ZNF506: variants seen among roughly 807,000 people sequenced by gnomAD.
ZNF506 encodes the protein zinc finger protein 506.
In ZNF506, 10 loss-of-function variants were observed where a neutral mutation model predicts 11.6. That is an observed-to-expected ratio of 0.86 (90% confidence interval 0.53 to 1.46). ZNF506 has a LOEUF of 1.46. Ranked by LOEUF, ZNF506 falls within the 40% of genes most tolerant of loss-of-function variation. The probability of loss-of-function intolerance (pLI) is 0.00; values close to 1 mark genes in which losing one functional copy is unlikely to be tolerated. For synonymous variants in ZNF506, 156 were observed against 173.3 expected (o/e 0.90, Z 0.78); for missense variants, 425 against 521.2 (o/e 0.82, Z 1.80).
At chr19:19,800,098 T>A (rs1366531569) in intron 3 of ZNF506, among the ~76,000 whole-genome samples, 3 of 152,178 alleles carry the variant, frequency 2.0e-5, no homozygotes, top group South Asian at 2.1e-4. Flanking sequence ...TCAGTAGATA[T>A]AAAAATACTG....
At position 19,795,110 on chromosome 19, in the gene ZNF506, A is replaced by T. The variant is rs199831222; in HGVS notation, c.777T>A (p.Cys259Ter). 12 of 1,613,830 alleles carry T rather than the reference A, an allele frequency of 7.4e-6. No individual in the cohort carries two copies. The African/African-American group carries it at 9.3e-5, about 13-fold the overall frequency. Residue 259 changes from cysteine to a stop codon, truncating the protein, a stop_gained, in exon 4 of 4, where the codon TGT becomes TGA. Coordinates refer to ENST00000540806, the MANE Select transcript of ZNF506 (RefSeq NM_001099269.3). LOFTEE classifies it low-confidence loss of function (END_TRUNC). ...GGTTAAAAGCTTTGCCACATTCTCT[A>T]CATCTGTAGGGTTTCTCTCCAGTAT... ...IIHTGEKPYR[C>*]RECGKAFNHP... is the part of the protein sequence containing the mutation.
intron 1 of ZNF506, among the ~76,000 whole-genome samples, chr19:19,816,536 T>C (rs184848359): frequency 1.4e-3 from 220 of 152,222 alleles, no homozygotes; most frequent in African/African-American, 5.1e-3. Flanking sequence ...TTTTTTGTAT[T>C]TGTAGTAGAG....
Position 19,795,225 on chromosome 19 carries a change from T to C in ZNF506, c.662A>G (p.Lys221Arg). 6.2e-7 allele frequency: 1 copy of C among 1,613,866 alleles called. No individual in the cohort carries two copies. Among genetic ancestry groups the C allele is most frequent in the South Asian group, 1.1e-5 (1 of 91,076 alleles). The change falls in exon 4 of 4, where the codon AAA (lysine) becomes AGA (arginine). Residue 221 changes from lysine (K) to arginine (R), a missense_variant. Transcript: ENST00000540806. ...KQSSHLTTHK[K>R]IHTGEKPYKC... The stretch of plus-strand genomic sequence containing the variant: ...GTAGGGTTTCTCTCCAGTATGAATT[T>C]TCTTATGTGTAGTAAGGTGTGAGGA...
intron 3 of ZNF506, 21 bp from the exon 4 acceptor site, chr19:19,795,681 A>T (rs758184537): frequency 6.7e-7 from 1 of 1,482,892 alleles, no homozygotes; most frequent in Non-Finnish European, 8.9e-7. Context: ...CAATAAAAAC[A>T]CATGACTTCA....
intron 1 of ZNF506, among the ~76,000 whole-genome samples, chr19:19,807,568 G>A (rs1370156413): frequency 6.6e-6 from 1 of 152,002 alleles, no homozygotes; most frequent in African/African-American, 2.4e-5. Flanking sequence ...GTGCAATGGC[G>A]CCATCTTGGC....
At position 19,802,099 on chromosome 19, in the gene ZNF506, GGAGGCT is replaced by G. The variant is rs1398188337; in HGVS notation, c.226+3926_226+3931del. On this transcript the variant is annotated intron_variant, in intron 3 of 3. Coordinates refer to ENST00000540806, the MANE Select transcript of ZNF506 (RefSeq NM_001099269.3). ...ACATGCCTGTAATTGCAGCTACTTG[GGAGGCT>G]GAGGCATGAGAACTGCTTGAAGCCA... Among the ~76,000 whole-genome samples, 3 of 151,470 alleles carry G rather than the reference GGAGGCT, an allele frequency of 2.0e-5. No individual in the cohort carries two copies. The East Asian group carries it at 5.8e-4, about 29-fold the overall frequency.
At chr19:19,804,571 T>A (rs570219155) in intron 3 of ZNF506, among the ~76,000 whole-genome samples, 93 of 152,280 alleles carry the variant, frequency 6.1e-4, no homozygotes, top group African/African-American at 2.2e-3. Context: ...GATCCAGTGA[T>A]CCCATTACTG....
At chr19:19,795,703 C>A in intron 3 of ZNF506, 43 bp from the exon 4 acceptor site, 1 of 1,461,326 alleles carries the variant, frequency 6.8e-7, no homozygotes, top group Non-Finnish European at 9.1e-7. Context: ...TTGCTAGACT[C>A]AGATAAATAT....
At chr19:19,804,880 C>T (rs1370608163) in intron 3 of ZNF506, among the ~76,000 whole-genome samples, 1 of 151,380 alleles carries the variant, frequency 6.6e-6, no homozygotes. Flanking sequence ...GGGAATTGAA[C>T]AATGAGAACA....
intron 1 of ZNF506, among the ~76,000 whole-genome samples, chr19:19,807,803 C>A (rs11878325): frequency 1.3e-5 from 2 of 151,932 alleles, no homozygotes; most frequent in African/African-American, 4.8e-5. Context: ...CCACCGCGCC[C>A]GGTCAATTTT....
chr19:19,794,360 A>C lies in ZNF506; in HGVS notation c.*192T>G, dbSNP rs72620573. 98,916 of 554,492 alleles carry C rather than the reference A, an allele frequency of 0.18. 10,062 individuals carry two copies. Among genetic ancestry groups the C allele is most frequent in the East Asian group, 0.39 (12,157 of 31,172 alleles). The allele number at this position is 554,492 out of a possible 1,614,324, so 34.3% of individuals were successfully genotyped here. The stretch of plus-strand genomic sequence containing the variant: ...TGTTATAGGCTTTGCCATATTCTTC[A>C]CACTTGTAGGGTTTCTGTCCAGTAT... On this transcript the variant is annotated 3_prime_UTR_variant, in exon 4 of 4. Transcript: ENST00000540806.
chr19:19,794,800 G>A lies in ZNF506; in HGVS notation c.1087C>T (p.His363Tyr), dbSNP rs758961941. The A allele has an allele frequency of 1.2e-6, 2 of 1,614,012 alleles. No homozygotes were observed. Among genetic ancestry groups the A allele is most frequent in the Non-Finnish European group, 1.7e-6 (2 of 1,179,990 alleles). ...CACTTGTAGGGTTTCTCTCCAGTAT[G>A]AGCTCTCTTATGTTTAGAGAGGCTT... ...YSSLSKHKRA[H>Y]TGEKPYKCEE... Residue 363 changes from histidine (H) to tyrosine (Y), a missense_variant, in exon 4 of 4, where the codon CAT (histidine) becomes TAT (tyrosine). By Grantham distance (83) the His-to-Tyr change is moderately conservative. Around this residue, in one of 3 missense-constraint regions of ZNF506, gnomAD observed 192 missense variants for 215.7 expected, o/e 0.89. Transcript: ENST00000540806.
chr19:19,811,483 A>G (rs1399502681), intron 1 of ZNF506, among the ~76,000 whole-genome samples: 1 of 152,174 alleles, frequency 6.6e-6, no homozygotes, highest in Non-Finnish European at 1.5e-5. Context: ...ATTAGAAAAT[A>G]AATACGTACA....
intron 1 of ZNF506, among the ~76,000 whole-genome samples, chr19:19,808,902 C>A (rs1373645517): frequency 6.6e-6 from 1 of 150,764 alleles, no homozygotes; most frequent in Non-Finnish European, 1.5e-5. Context: ...ACAGATTACT[C>A]CTCTGTTCTG....
Position 19,814,179 on chromosome 19 carries a change from G to A in ZNF506, c.4-7111C>T, listed in dbSNP as rs140547302. ...ATCCCAGCACTGTGGGAGGCCAAGGGGGGTGGATCACATGAGGTGCGGAGT... is the reference window on the plus strand; with the variant it reads ...ATCCCAGCACTGTGGGAGGCCAAGGAGGGTGGATCACATGAGGTGCGGAGT... On this transcript the variant is annotated intron_variant, in intron 1 of 3. Transcript: ENST00000540806. 9.0e-3 allele frequency among the ~76,000 whole-genome samples: 1,373 copies of A among 151,806 alleles called. 20 individuals are homozygous for A. Among genetic ancestry groups the A allele is most frequent in the African/African-American group, 0.031 (1,280 of 41,386 alleles).
At chr19:19,797,436 G>GAAAAAAA (rs77600495) in intron 3 of ZNF506, 2 of 95,634 alleles carry the variant, frequency 2.1e-5, no homozygotes, top group Non-Finnish European at 4.8e-5. Context: ...TCCGTCTCAG[G>GAAAAAAA]AAAAAAAAAA....
At chr19:19,817,920 C>T (rs1340054827) in intron 1 of ZNF506, among the ~76,000 whole-genome samples, 5 of 151,720 alleles carry the variant, frequency 3.3e-5, no homozygotes, top group South Asian at 2.1e-4. Context: ...CTCTGCCTCC[C>T]GGGTTCAAGC....
At chr19:19,818,946 C>T (rs1486388344) in intron 1 of ZNF506, among the ~76,000 whole-genome samples, 2 of 152,152 alleles carry the variant, frequency 1.3e-5, no homozygotes, top group Non-Finnish European at 2.9e-5. Flanking sequence ...TGAGATCGAG[C>T]CACTGCATTC....
intron 3 of ZNF506, among the ~76,000 whole-genome samples, chr19:19,801,192 C>G (rs369154123): frequency 5.9e-5 from 9 of 151,636 alleles, no homozygotes; most frequent in East Asian, 5.9e-4. Context: ...GAAAACAAAA[C>G]AAAACAAAAA....
Sources: allele counts gnomAD v4.1 joint callset (sites outside exome capture counted in the v4.1 genomes callset), GRCh38; gene constraint gnomAD v4.1.1; regional missense constraint gnomAD v4.1.1; transcripts MANE v1.5; gene names NCBI Gene and HGNC (gene_info 2026-07-23, HGNC 2026-07-21).